The following LHFPL2 variants were observed in gnomAD, a reference collection of about 807,000 sequenced individuals.
The protein encoded by LHFPL2 is LHFPL tetraspan subfamily member 2 protein.
A neutral mutation model predicts 17.5 loss-of-function variants in LHFPL2; 7 were observed. That is an observed-to-expected ratio of 0.40 (90% CI 0.23 to 0.75). The LOEUF (loss-of-function observed/expected upper bound fraction) is 0.75, where lower values mean the gene tolerates loss of function less well. Among genes scored for constraint, LHFPL2 ranks in the 30% least tolerant of loss-of-function variants. The pLI is 0.37. For missense variants in LHFPL2, 241 were observed against 294.8 expected (o/e 0.82, Z 1.34); for synonymous variants, 134 against 116.2 (o/e 1.15, Z -0.99).
chr5:78,547,151 C>A (rs1756302100), intron 3 of LHFPL2, among the ~76,000 whole-genome samples: 1 of 152,170 alleles, frequency 6.6e-6, no homozygotes, highest in Non-Finnish European at 1.5e-5. Flanking sequence ...ACCATCCTTC[C>A]AATTTCCATC....
chr5:78,555,705 G>T (rs1269423284), intron 3 of LHFPL2, among the ~76,000 whole-genome samples: 2 of 152,236 alleles, frequency 1.3e-5, no homozygotes, highest in African/African-American at 4.8e-5. Context: ...TGGCTGGATG[G>T]GTCTGCACCT....
At chr5:78,615,279 C>T (rs911732242) in intron 2 of LHFPL2, among the ~76,000 whole-genome samples, 1 of 151,610 alleles carries the variant, frequency 6.6e-6, no homozygotes, top group Non-Finnish European at 1.5e-5. Flanking sequence ...AAACAGAAGA[C>T]GAAATCAAAA....
chr5:78,642,009 C>A (rs1361393246), intron 1 of LHFPL2: 1 of 151,860 alleles, frequency 6.6e-6, no homozygotes, highest in Non-Finnish European at 1.5e-5. Context: ...TTATTTCTCA[C>A]AGTTCTGAAG....
intron 4 of LHFPL2, among the ~76,000 whole-genome samples, chr5:78,493,090 A>G (rs1298489528): frequency 3.9e-5 from 6 of 152,210 alleles, no homozygotes; most frequent in African/African-American, 1.4e-4. Context: ...GGTAAGCAAA[A>G]ATAAATTTTT....
intron 3 of LHFPL2, among the ~76,000 whole-genome samples, chr5:78,512,156 T>G (rs954320285): frequency 6.6e-6 from 1 of 151,998 alleles, no homozygotes; most frequent in African/African-American, 2.4e-5. Context: ...CAGACAACTA[T>G]TGATCCAACT....
chr5:78,510,684 G>C (rs1014333912), intron 3 of LHFPL2, among the ~76,000 whole-genome samples: 1 of 152,256 alleles, frequency 6.6e-6, no homozygotes, highest in East Asian at 1.9e-4. Flanking sequence ...GCACTGTCCT[G>C]GTTGCTGCTG....
At chr5:78,606,897 G>C (rs945532441) in intron 2 of LHFPL2, among the ~76,000 whole-genome samples, 4 of 151,242 alleles carry the variant, frequency 2.6e-5, no homozygotes, top group African/African-American at 9.7e-5. Context: ...GGCTGGTCTT[G>C]AACTCCTGAC....
intron 4 of LHFPL2, among the ~76,000 whole-genome samples, chr5:78,498,469 GC>G: frequency 6.6e-6 from 1 of 152,312 alleles, no homozygotes; most frequent in Admixed American, 6.5e-5. Context: ...CATTCTGGCA[GC>G]CCCTAGCAGC....
chr5:78,593,515 C>T (rs909458441), intron 2 of LHFPL2, among the ~76,000 whole-genome samples: 2 of 152,190 alleles, frequency 1.3e-5, no homozygotes, highest in Non-Finnish European at 2.9e-5. Flanking sequence ...CCATAAGGTC[C>T]TCACAGACCT....
intron 2 of LHFPL2, among the ~76,000 whole-genome samples, chr5:78,599,312 G>A (rs1743928267): frequency 6.6e-6 from 1 of 151,898 alleles, no homozygotes; most frequent in Non-Finnish European, 1.5e-5. Flanking sequence ...GAGCACAGGG[G>A]GTTGCGGACA....
At chr5:78,572,624 C>A (rs573437441) in intron 2 of LHFPL2, among the ~76,000 whole-genome samples, 51 of 151,990 alleles carry the variant, frequency 3.4e-4, no homozygotes, top group Admixed American at 7.9e-4. Context: ...TATTTGGGTA[C>A]AGCATGGACC....
intron 2 of LHFPL2, among the ~76,000 whole-genome samples, chr5:78,622,994 TA>T (rs943436958): frequency 6.6e-6 from 1 of 152,062 alleles, no homozygotes; most frequent in Non-Finnish European, 1.5e-5. Flanking sequence ...GCATGTGTAA[TA>T]GGGGAGGAAA....
intron 3 of LHFPL2, among the ~76,000 whole-genome samples, chr5:78,544,169 T>C (rs1756198214): frequency 6.6e-6 from 1 of 152,172 alleles, no homozygotes; most frequent in African/African-American, 2.4e-5. Flanking sequence ...ATATAGTTTG[T>C]CCTCTTACTT....
intron 2 of LHFPL2, among the ~76,000 whole-genome samples, chr5:78,627,040 C>T (rs978698841): frequency 2.0e-5 from 3 of 152,066 alleles, no homozygotes; most frequent in Non-Finnish European, 4.4e-5. Flanking sequence ...GAGATCGCAC[C>T]ACTGCACTCC....
At chr5:78,584,932 C>T (rs182391161) in intron 2 of LHFPL2, among the ~76,000 whole-genome samples, 9 of 150,220 alleles carry the variant, frequency 6.0e-5, no homozygotes, top group East Asian at 3.9e-4. Flanking sequence ...TAGCAATCAA[C>T]GAGACTCCGT....
chr5:78,632,212 A>G (rs962505656), intron 2 of LHFPL2, 52 bp downstream of exon 2: 1 of 152,130 alleles, frequency 6.6e-6, no homozygotes, highest in Admixed American at 6.5e-5. Flanking sequence ...GAATGAGAAC[A>G]TCGGGTGGTT....
chr5:78,593,380 T>G (rs1743713510), intron 2 of LHFPL2, among the ~76,000 whole-genome samples: 1 of 152,142 alleles, frequency 6.6e-6, no homozygotes, highest in Non-Finnish European at 1.5e-5. Flanking sequence ...TTTCCACCTC[T>G]TGTTTTCGAT....
intron 3 of LHFPL2, among the ~76,000 whole-genome samples, chr5:78,527,465 C>T (rs1234941130): frequency 6.7e-6 from 1 of 150,182 alleles, no homozygotes; most frequent in Non-Finnish European, 1.5e-5. Context: ...TGCAGATTGC[C>T]CCCTGGGTGG....
chr5:78,558,635 G>C (rs1424287399), intron 3 of LHFPL2, among the ~76,000 whole-genome samples: 1 of 152,130 alleles, frequency 6.6e-6, no homozygotes, highest in Non-Finnish European at 1.5e-5. Context: ...GTCTGTGCCA[G>C]GCTTATACAT....
Sources: gnomAD v4.1 joint callset for allele counts (sites outside exome capture counted in the v4.1 genomes callset) on GRCh38, gnomAD v4.1.1 for gene constraint, MANE v1.5 for transcripts, NCBI Gene and HGNC (gene_info 2026-07-23, HGNC 2026-07-21) for gene names.